The following NLRP8 variants were observed in gnomAD, a reference collection of about 807,000 sequenced individuals.
NLRP8 encodes NLR family pyrin domain containing 8.
In NLRP8, 86 loss-of-function variants were observed where a neutral mutation model predicts 88.7. The observed-to-expected ratio is 0.97, with a 90% confidence interval of 0.81 to 1.16. NLRP8 has a LOEUF of 1.16. Ranked by LOEUF, NLRP8 falls within the 50% of genes most tolerant of loss-of-function variation. NLRP8 has a pLI of 0.00. For missense variants in NLRP8, 1,342 were observed against 1,286.5 expected, an observed-to-expected ratio of 1.04 and a Z score of -0.66; for synonymous variants, 504 against 494.6, an observed-to-expected ratio of 1.02 and a Z score of -0.25.
chr19:55,988,438 G>GTATATATATATATATA lies in NLRP8; in HGVS notation c.*526_*527insATATATATATATATAT, dbSNP rs777000805. The stretch of plus-strand genomic sequence containing the variant: ...CATATACACATAAATATATATATGT[G>GTATATATATATATATA]TGTGTGTATATATATATATATATAT... On this transcript the variant is annotated 3_prime_UTR_variant, in exon 10 of 10. Coordinates refer to ENST00000291971, the MANE Select transcript of NLRP8 (RefSeq NM_176811.2). The GTATATATATATATATA allele has an allele frequency of 3.3e-3, 298 of 91,662 alleles. 1 individual carries two copies. The highest frequency in any genetic ancestry group is 4.4e-3 in the Non-Finnish European group (201 of 45,530). 5.7% of individuals were successfully genotyped at this position (91,662 alleles called of 1,614,324 possible).
Position 55,952,628 on chromosome 19 carries a change from A to G in NLRP8, c.442+16A>G. ...GGAGAATCTGGTATGTGCCTGTATC[A>G]CAGCAGACCCTGGTGAAAAAATGGG... On this transcript the variant is annotated intron_variant, in intron 2 of 9. Transcript: ENST00000291971. 6.2e-7 allele frequency: 1 copy of G among 1,608,648 alleles called. No homozygotes were observed. The highest frequency in any genetic ancestry group is 8.5e-7 in the Non-Finnish European group (1 of 1,175,066).
At chr19:55,965,807 C>T (rs1190963900) in intron 4 of NLRP8, among the ~76,000 whole-genome samples, 4 of 123,328 alleles carry the variant, frequency 3.2e-5, no homozygotes, top group Non-Finnish European at 6.8e-5. Flanking sequence ...CCTCCCCTAG[C>T]CCCCCACCCC....
intron 2 of NLRP8, among the ~76,000 whole-genome samples, chr19:55,952,907 A>AT (rs958402165): frequency 1.3e-5 from 2 of 152,034 alleles, no homozygotes; most frequent in Non-Finnish European, 2.9e-5. Context: ...TGGGTGACAG[A>AT]TTGAGACTCC....
Position 55,954,690 on chromosome 19 carries a change from C to G in NLRP8, c.632C>G (p.Ala211Gly). 1 of 1,614,168 alleles carries G rather than the reference C, an allele frequency of 6.2e-7. No homozygotes were observed. The highest frequency in any genetic ancestry group is 8.5e-7 in the Non-Finnish European group (1 of 1,180,032). Residue 211 changes from alanine to glycine, a missense_variant, in exon 3 of 10, where the codon GCT (alanine) becomes GGT (glycine). Transcript: ENST00000291971. ...CCCAAGACCGTGGCCATACAGGGAGCTCCTGGGATCGGAAAAACAATCCTG... is the reference window on the plus strand; with the variant it reads ...CCCAAGACCGTGGCCATACAGGGAGGTCCTGGGATCGGAAAAACAATCCTG...
chr19:55,980,482 G>A (rs1980525412), intron 9 of NLRP8, among the ~76,000 whole-genome samples: 1 of 152,222 alleles, frequency 6.6e-6, no homozygotes, highest in South Asian at 2.1e-4. Context: ...GTAACTGGGA[G>A]GTTCTAGCTC....
Position 55,988,421 on chromosome 19 carries a change from CATAAAT to C in NLRP8, c.*512_*517del, listed in dbSNP as rs1980959918. Reference sequence around the variant, plus strand: ...AGAAGAAAAAAAAAATACATATACACATAAATATATATATGTGTGTGTGTATATATA... The same window carrying C: ...AGAAGAAAAAAAAAATACATATACACATATATATGTGTGTGTGTATATATA... On this transcript the variant is annotated 3_prime_UTR_variant, in exon 10 of 10. Transcript: ENST00000291971. 9.5e-6 allele frequency: 1 copy of C among 104,776 alleles called. No homozygotes were observed. Among genetic ancestry groups the C allele is most frequent in the Admixed American group, 1.1e-4 (1 of 9,450 alleles). The allele number at this position is 104,776 out of a possible 1,614,324, so 6.5% of individuals were successfully genotyped here. A position where few individuals can be genotyped will look rare whatever the true frequency, so the allele number is the denominator to read the frequency against.
intron 9 of NLRP8, among the ~76,000 whole-genome samples, chr19:55,986,117 T>G (rs1308393532): frequency 6.6e-6 from 1 of 152,168 alleles, no homozygotes; most frequent in Non-Finnish European, 1.5e-5. Flanking sequence ...TTCAAGGCAA[T>G]GGATGTGTTT....
chr19:55,948,021 G>A lies in NLRP8; in HGVS notation c.119G>A (p.Gly40Glu), dbSNP rs1978923125. 1 of 1,614,026 alleles carries A rather than the reference G, an allele frequency of 6.2e-7. No homozygotes were observed. The highest frequency in any genetic ancestry group is 8.5e-7 in the Non-Finnish European group (1 of 1,180,018). ...TACCCCGGCTCCCCATGTGAAAATG[G>A]GGTCATGCTGTACATGAGAAACGTG... The change falls in exon 1 of 10, where the codon GGG becomes GAG. Residue 40 changes from glycine (G) to glutamate (E), a missense_variant. Gly to Glu is a moderately conservative substitution (Grantham distance 98). Transcript: ENST00000291971.
At chr19:55,966,121 C>T (rs574505648) in intron 4 of NLRP8, 92 bp from the exon 5 acceptor site, 8 of 1,160,228 alleles carry the variant, frequency 6.9e-6, no homozygotes, top group East Asian at 2.4e-5. Flanking sequence ...ACCTGTCCCA[C>T]GTGCAGCTTC....
intron 3 of NLRP8, among the ~76,000 whole-genome samples, chr19:55,957,192 A>G (rs529522382): frequency 2.0e-5 from 3 of 152,324 alleles, no homozygotes; most frequent in African/African-American, 7.2e-5. Context: ...TGTCTTATCC[A>G]ATACAGGAGC....
intron 8 of NLRP8, among the ~76,000 whole-genome samples, chr19:55,977,345 G>A (rs1436648450): frequency 2.1e-5 from 3 of 142,846 alleles, no homozygotes; most frequent in African/African-American, 7.7e-5. Context: ...ATACATATAA[G>A]CAATATATTA....
Position 55,962,163 on chromosome 19 carries a change from T to G in NLRP8, c.2139T>G (p.Ser713Arg). The G allele has an allele frequency of 6.2e-7, 1 of 1,614,158 alleles. No homozygotes were observed. Among genetic ancestry groups the G allele is most frequent in the South Asian group, 1.1e-5 (1 of 91,074 alleles). Reference sequence around the variant, plus strand: ...TGGAAGTCCTGACTATGACCAACAGTGTTTTGGGGCCTCCTTTTTTGAAGG... The same window carrying G: ...TGGAAGTCCTGACTATGACCAACAGGGTTTTGGGGCCTCCTTTTTTGAAGG... Residue 713 changes from serine to arginine, a missense_variant, in exon 4 of 10, where the codon AGT becomes AGG. By Grantham distance (110) the Ser-to-Arg change is moderately radical. Coordinates refer to ENST00000291971, the MANE Select transcript of NLRP8 (RefSeq NM_176811.2).
intron 8 of NLRP8, among the ~76,000 whole-genome samples, chr19:55,978,767 A>G (rs907860108): frequency 1.3e-5 from 2 of 152,040 alleles, no homozygotes; most frequent in Non-Finnish European, 2.9e-5. Flanking sequence ...TACTTATAGA[A>G]GGATTTGAGC....
intron 4 of NLRP8, among the ~76,000 whole-genome samples, chr19:55,962,626 C>T (rs907714681): frequency 2.0e-5 from 3 of 152,092 alleles, no homozygotes; most frequent in Admixed American, 6.6e-5. Context: ...CTGTGGCTCA[C>T]GCCTATTTAC....
chr19:55,951,857 C>G (rs190146271), intron 1 of NLRP8, among the ~76,000 whole-genome samples: 5 of 152,170 alleles, frequency 3.3e-5, no homozygotes, highest in Non-Finnish European at 7.4e-5. Context: ...TCAAGCAATC[C>G]TCCTGCCTCA....
intron 1 of NLRP8, among the ~76,000 whole-genome samples, chr19:55,948,611 T>A (rs968525526): frequency 1.3e-5 from 2 of 152,102 alleles, no homozygotes; most frequent in Admixed American, 1.3e-4. Flanking sequence ...AATTTTTTTT[T>A]ATTTTTAGTA....
intron 9 of NLRP8, among the ~76,000 whole-genome samples, chr19:55,987,016 C>T (rs1980876514): frequency 1.3e-5 from 2 of 152,222 alleles, no homozygotes; most frequent in African/African-American, 2.4e-5. Flanking sequence ...TCTAAAACCT[C>T]ATATTTACTT....
In NLRP8 at chr19:55,950,424, A is replaced by AACAC. The variant is rs113284539; in HGVS notation, c.368-2094_368-2091dup. The stretch of plus-strand genomic sequence containing the variant: ...ACAAAAGCAGAACTCCATCTCAAGA[A>AACAC]ACACACACACACACACACACACAGA... On this transcript the variant is annotated intron_variant, in intron 1 of 9. Coordinates refer to ENST00000291971, the MANE Select transcript of NLRP8 (RefSeq NM_176811.2). Among the ~76,000 whole-genome samples the AACAC allele has an allele frequency of 2.8e-3, 410 of 149,088 alleles. 4 individuals are homozygous for AACAC. The highest frequency in any genetic ancestry group is 7.7e-3 in the African/African-American group (316 of 40,820).
At chr19:55,977,421 A>G (rs1461652046) in intron 8 of NLRP8, among the ~76,000 whole-genome samples, 1 of 145,284 alleles carries the variant, frequency 6.9e-6, no homozygotes, top group East Asian at 2.0e-4. Flanking sequence ...ATATATGTAA[A>G]TATACAATAT....
Sources: allele counts gnomAD v4.1 joint callset (sites outside exome capture counted in the v4.1 genomes callset), GRCh38; gene constraint gnomAD v4.1.1; transcripts MANE v1.5; gene names NCBI Gene and HGNC (gene_info 2026-07-23, HGNC 2026-07-21).